The following CCSER1 variants were observed in gnomAD, a reference collection of about 807,000 sequenced individuals.
CCSER1 encodes the protein serine-rich coiled-coil domain-containing protein 1.
In CCSER1, 41 loss-of-function variants were observed where a neutral mutation model predicts 82.0. That is an observed-to-expected ratio of 0.50 (90% CI 0.39 to 0.65). The LOEUF is 0.65. CCSER1 is among the 30% of genes least tolerant of loss of function. The probability of loss-of-function intolerance (pLI) is 0.00; values close to 1 mark genes in which losing one functional copy is unlikely to be tolerated. For missense variants in CCSER1, 1,119 were observed against 1,064.2 expected, an observed-to-expected ratio of 1.05 and a Z score of -0.72; for synonymous variants, 414 against 383.9, an observed-to-expected ratio of 1.08 and a Z score of -0.92.
At chr4:90,567,389 C>A (rs1329940971) in intron 5 of CCSER1, among the ~76,000 whole-genome samples, 1 of 151,124 alleles carries the variant, frequency 6.6e-6, no homozygotes, top group African/African-American at 2.4e-5. Context: ...CTTCCAGGTT[C>A]AAGCGATTCT....
At chr4:91,559,375 T>A (rs2110247856) in intron 10 of CCSER1, among the ~76,000 whole-genome samples, 1 of 151,714 alleles carries the variant, frequency 6.6e-6, no homozygotes, top group South Asian at 2.1e-4. Flanking sequence ...CCTTCAGCTG[T>A]TCTCTAAGTT....
At chr4:90,516,577 A>G (rs1280998774) in intron 5 of CCSER1, among the ~76,000 whole-genome samples, 4 of 152,144 alleles carry the variant, frequency 2.6e-5, no homozygotes, top group African/African-American at 9.7e-5. Context: ...AGGAAAATAG[A>G]TTCCTGACCC....
At chr4:90,801,272 C>T (rs1756769965) in intron 7 of CCSER1, among the ~76,000 whole-genome samples, 1 of 152,104 alleles carries the variant, frequency 6.6e-6, no homozygotes, top group African/African-American at 2.4e-5. Flanking sequence ...GCTACAATTA[C>T]TTTCTCTGCT....
intron 9 of CCSER1, among the ~76,000 whole-genome samples, chr4:91,026,073 A>G (rs568865013): frequency 4.6e-5 from 7 of 152,268 alleles, no homozygotes; most frequent in East Asian, 1.9e-4. Flanking sequence ...ATGGAAGGCT[A>G]AACACATTCT....
At chr4:91,411,154 CCT>C (rs1752998846) in intron 10 of CCSER1, among the ~76,000 whole-genome samples, 1 of 151,502 alleles carries the variant, frequency 6.6e-6, no homozygotes. Flanking sequence ...TTAAAATATT[CCT>C]CTCATAATAT....
At chr4:91,150,466 T>C (rs989230260) in intron 10 of CCSER1, among the ~76,000 whole-genome samples, 8 of 152,184 alleles carry the variant, frequency 5.3e-5, no homozygotes, top group African/African-American at 1.9e-4. Flanking sequence ...TTGAATACGC[T>C]TTATTTCTTT....
intron 1 of CCSER1, among the ~76,000 whole-genome samples, chr4:90,187,035 AC>A (rs1253809057): frequency 4.6e-5 from 7 of 151,870 alleles, no homozygotes; most frequent in Admixed American, 1.3e-4. Context: ...CATCTTAATG[AC>A]TGTTAATGGC....
At chr4:90,424,582 T>C (rs1469240749) in intron 4 of CCSER1, among the ~76,000 whole-genome samples, 2 of 152,162 alleles carry the variant, frequency 1.3e-5, no homozygotes, top group Non-Finnish European at 2.9e-5. Flanking sequence ...TATTCTCACA[T>C]ATAAGATACT....
intron 3 of CCSER1, among the ~76,000 whole-genome samples, chr4:90,339,692 C>T (rs982182922): frequency 6.6e-6 from 1 of 152,082 alleles, no homozygotes; most frequent in Non-Finnish European, 1.5e-5. Flanking sequence ...TGGGTTTCTG[C>T]TCAAGTGTCA....
In CCSER1 at chr4:90,577,646, A is replaced by G. The variant is rs575533652; in HGVS notation, c.1725-50379A>G. On this transcript the variant is annotated intron_variant, in intron 5 of 10. Transcript: ENST00000509176. ...TTGGTAGGATGAAGTGATGACTTCT[A>G]AACTTTTTACATGCTGGCCTGGAAT... Among the ~76,000 whole-genome samples the G allele has an allele frequency of 1.6e-4, 25 of 152,258 alleles. 2 individuals carry two copies. The highest frequency in any genetic ancestry group is 5.1e-4 in the African/African-American group (21 of 41,568).
At chr4:91,116,318 A>G (rs1175882568) in intron 10 of CCSER1, among the ~76,000 whole-genome samples, 3 of 152,134 alleles carry the variant, frequency 2.0e-5, no homozygotes, top group Admixed American at 6.5e-5. Context: ...CTAGTGAGAA[A>G]CCACCATGGA....
intron 6 of CCSER1, among the ~76,000 whole-genome samples, chr4:90,639,702 G>C (rs1271605291): frequency 6.6e-6 from 1 of 152,180 alleles, no homozygotes; most frequent in East Asian, 1.9e-4. Context: ...GCCATTTTAT[G>C]AGCCTTGGAA....
Position 90,933,036 on chromosome 4 carries a change from G to C in CCSER1, c.2172+9589G>C, listed in dbSNP as rs868192660. 9.6e-3 allele frequency among the ~76,000 whole-genome samples: 926 copies of C among 96,206 alleles called. 295 individuals are homozygous for C. The highest frequency in any genetic ancestry group is 0.046 in the African/African-American group (879 of 18,970). 63.1% of individuals were successfully genotyped at this position (96,206 alleles called of 152,430 possible). A position where few individuals can be genotyped will look rare whatever the true frequency, so the allele number is the denominator to read the frequency against. On this transcript the variant is annotated intron_variant, in intron 9 of 10. Coordinates refer to ENST00000509176, the MANE Select transcript of CCSER1 (RefSeq NM_001145065.2). ...AGAAAGAAAGAAAGAAAGAAAGAAA[G>C]AAAGAAAGAGAAGGAAGGAACGAAG...
At chr4:90,706,890 C>G (rs1739456660) in intron 6 of CCSER1, among the ~76,000 whole-genome samples, 1 of 152,168 alleles carries the variant, frequency 6.6e-6, no homozygotes, top group African/African-American at 2.4e-5. Flanking sequence ...TTGATGAAGT[C>G]ATGACTTCCA....
intron 7 of CCSER1, chr4:90,780,512 T>G: frequency 6.2e-7 from 1 of 1,609,176 alleles, no homozygotes; most frequent in South Asian, 1.1e-5. Context: ...GAGGCCTAGA[T>G]GATCCACCAT....
intron 10 of CCSER1, among the ~76,000 whole-genome samples, chr4:91,379,009 C>T (rs1199909479): frequency 6.6e-6 from 1 of 152,128 alleles, no homozygotes; most frequent in East Asian, 1.9e-4. Context: ...TTGAGATAAT[C>T]AAGTGGTTTT....
chr4:90,990,568 T>C (rs1736940654), intron 9 of CCSER1, among the ~76,000 whole-genome samples: 1 of 151,882 alleles, frequency 6.6e-6, no homozygotes, highest in African/African-American at 2.4e-5. Context: ...AGGGAGTGCT[T>C]CTGGAAAGCA....
rs139136400 is a variant in CCSER1, at chr4:90,375,802, T to C, written c.1510-24234T>C. On this transcript the variant is annotated intron_variant, in intron 3 of 10. Transcript: ENST00000509176. The stretch of plus-strand genomic sequence containing the variant: ...CATTTTGTAGAGCAGACACATACCA[T>C]TTGCTGGCTGGCATGGACATAAATG... Among the ~76,000 whole-genome samples the C allele has an allele frequency of 5.1e-4, 77 of 152,270 alleles. No homozygotes were observed. In the East Asian group the frequency reaches 0.013, roughly 25 times the overall value.
intron 10 of CCSER1, among the ~76,000 whole-genome samples, chr4:91,201,090 A>G (rs1402956511): frequency 3.3e-5 from 5 of 152,032 alleles, no homozygotes; most frequent in African/African-American, 1.2e-4. Context: ...TGGAATCTTT[A>G]TCACAATTTC....
Sources: allele counts gnomAD v4.1 joint callset (sites outside exome capture counted in the v4.1 genomes callset), GRCh38; gene constraint gnomAD v4.1.1; transcripts MANE v1.5; gene names NCBI Gene and HGNC (gene_info 2026-07-23, HGNC 2026-07-21).